The following KHDRBS3 variants were observed in gnomAD, a reference collection of about 807,000 sequenced individuals.
The protein encoded by KHDRBS3 is KH RNA binding domain containing, signal transduction associated 3.
A neutral mutation model predicts 45.6 loss-of-function variants in KHDRBS3; 23 were observed. The observed-to-expected ratio is 0.50, with a 90% CI of 0.36 to 0.72. KHDRBS3 has a LOEUF of 0.72. KHDRBS3 is among the 30% of genes least tolerant of loss of function. The pLI is 0.00. For synonymous variants in KHDRBS3, 162 were observed against 156.5 expected, an observed-to-expected ratio of 1.04 and a Z score of -0.26; for missense variants, 352 against 424.8, an observed-to-expected ratio of 0.83 and a Z score of 1.51.
chr8:135,599,555 C>T (rs1026615770), intron 6 of KHDRBS3, among the ~76,000 whole-genome samples: 1 of 152,214 alleles, frequency 6.6e-6, no homozygotes, highest in African/African-American at 2.4e-5. Flanking sequence ...AACTACATTT[C>T]CTGCCACTTG....
At chr8:135,649,543 C>T (rs1020993119), downstream of KHDRBS3, among the ~76,000 whole-genome samples, 1 of 152,102 alleles carries the variant, frequency 6.6e-6, no homozygotes, top group African/African-American at 2.4e-5. Context: ...AAATAATTCT[C>T]ATCATTTTTG....
At chr8:135,498,768 G>A (rs746230219) in intron 1 of KHDRBS3, among the ~76,000 whole-genome samples, 8 of 151,986 alleles carry the variant, frequency 5.3e-5, no homozygotes, top group African/African-American at 1.5e-4. Context: ...TCTAAAATAC[G>A]TTAAATATAT....
chr8:135,572,548 G>C (rs947224552), intron 5 of KHDRBS3, among the ~76,000 whole-genome samples: 7 of 152,152 alleles, frequency 4.6e-5, no homozygotes, highest in Admixed American at 3.9e-4. Context: ...TCATAAAAGG[G>C]CTACAACCTC....
intron 7 of KHDRBS3, chr8:135,625,561 G>A (rs1369586793): frequency 2.5e-5 from 23 of 933,684 alleles, no homozygotes; most frequent in Non-Finnish European, 3.6e-5. Context: ...CTGGAGCAAC[G>A]AGAGAGGGAG....
chr8:135,485,119 G>A (rs536653674), intron 1 of KHDRBS3, among the ~76,000 whole-genome samples: 4 of 152,146 alleles, frequency 2.6e-5, no homozygotes, highest in South Asian at 4.2e-4. Context: ...TCTTCAGTGC[G>A]CTCCTTTGCC....
intron 7 of KHDRBS3, among the ~76,000 whole-genome samples, chr8:135,617,404 G>A (rs1342250799): frequency 6.6e-6 from 1 of 151,764 alleles, no homozygotes; most frequent in Non-Finnish European, 1.5e-5. Flanking sequence ...CAGCCTCCCA[G>A]GTAGCTGGGA....
At chr8:135,465,574 T>C (rs537939941) in intron 1 of KHDRBS3, among the ~76,000 whole-genome samples, 1 of 152,314 alleles carries the variant, frequency 6.6e-6, no homozygotes, top group African/African-American at 2.4e-5. Context: ...TTGATTTTTA[T>C]TATGCTATTC....
intron 1 of KHDRBS3, among the ~76,000 whole-genome samples, chr8:135,477,797 AGGAGTATCACAACCAAACC>A (rs1388562770): frequency 6.6e-6 from 1 of 152,250 alleles, no homozygotes; most frequent in African/African-American, 2.4e-5. Context: ...TCAGTCAGAT[AGGAGTATCACAACCAAACC>A]GGATTGGCGT....
At chr8:135,588,468 A>G (rs1012116990) in intron 6 of KHDRBS3, among the ~76,000 whole-genome samples, 2 of 152,122 alleles carry the variant, frequency 1.3e-5, no homozygotes, top group Admixed American at 1.3e-4. Flanking sequence ...TGATTAAATA[A>G]TTGGCCATTA....
chr8:135,549,668 G>A (rs1826488534), intron 4 of KHDRBS3: 1 of 152,188 alleles, frequency 6.6e-6, no homozygotes, highest in Non-Finnish European at 1.5e-5. Context: ...CTTTGGCTCT[G>A]CAGACAATTT....
chr8:135,590,075 A>T (rs1828677503), intron 6 of KHDRBS3, among the ~76,000 whole-genome samples: 1 of 152,202 alleles, frequency 6.6e-6, no homozygotes, highest in South Asian at 2.1e-4. Context: ...TCATTGTGTG[A>T]ACACCATAGA....
chr8:135,457,493 C>G lies in KHDRBS3; in HGVS notation c.-374C>G, dbSNP rs1221531180. 1 of 147,310 alleles carries G rather than the reference C, an allele frequency of 6.8e-6. No homozygotes were observed. The allele number at this position is 147,310 out of a possible 1,614,324, so 9.1% of individuals were successfully genotyped here. A position where few individuals can be genotyped will look rare whatever the true frequency, so the allele number is the denominator to read the frequency against. ...GCGGCGCGCGGCGTGCAGGTCGCAG[C>G]TGTGGCTCGGGTGCTGGCAGGTGCT... On this transcript the variant is annotated 5_prime_UTR_variant, in exon 1 of 9. Transcript: ENST00000355849. The surrounding 1 kb of genome is among the most constrained non-coding windows in gnomAD (Gnocchi z 4.4).
chr8:135,536,993 A>AAG (rs1825805147), intron 2 of KHDRBS3, among the ~76,000 whole-genome samples: 3 of 16,484 alleles, frequency 1.8e-4, no homozygotes, highest in African/African-American at 6.8e-4. Context: ...AAAAAAAAAA[A>AAG]AAAAGGAGAT....
chr8:135,633,245 G>A (rs1306054598), intron 7 of KHDRBS3, among the ~76,000 whole-genome samples: 2 of 152,104 alleles, frequency 1.3e-5, no homozygotes, highest in Non-Finnish European at 2.9e-5. Flanking sequence ...ATTTGATTTT[G>A]TGCATGGCCA....
At chr8:135,641,134 C>T (rs1017151202) in intron 7 of KHDRBS3, among the ~76,000 whole-genome samples, 1 of 152,188 alleles carries the variant, frequency 6.6e-6, no homozygotes, top group Non-Finnish European at 1.5e-5. Flanking sequence ...AATCCTGCTA[C>T]CTTTTATCTT....
At chr8:135,542,470 T>G (rs533920564) in intron 2 of KHDRBS3, 184 bp from the exon 3 acceptor site, 2 of 501,444 alleles carry the variant, frequency 4.0e-6, no homozygotes, top group Non-Finnish European at 7.1e-6. Context: ...GGGTTTTTTA[T>G]TTTACGTTTA....
chr8:135,626,522 G>A (rs1302320140), intron 7 of KHDRBS3, among the ~76,000 whole-genome samples: 1 of 151,832 alleles, frequency 6.6e-6, no homozygotes, highest in Non-Finnish European at 1.5e-5. Context: ...GCACAGTGGG[G>A]GCCGGGCGCG....
intron 2 of KHDRBS3, among the ~76,000 whole-genome samples, chr8:135,537,080 G>A (rs75473563): frequency 1.3e-5 from 2 of 151,050 alleles, no homozygotes; most frequent in South Asian, 2.1e-4. Context: ...ATTCATGTTG[G>A]AGAGATAAAG....
At chr8:135,577,163 C>T (rs76710013) in intron 5 of KHDRBS3, among the ~76,000 whole-genome samples, 9 of 152,018 alleles carry the variant, frequency 5.9e-5, no homozygotes, top group African/African-American at 1.9e-4. Flanking sequence ...TTACTTTTCT[C>T]CAATCCCTTC....
Sources: allele counts gnomAD v4.1 joint callset (sites outside exome capture counted in the v4.1 genomes callset), GRCh38; gene constraint gnomAD v4.1.1; non-coding constraint Gnocchi (gnomAD v3.1); transcripts MANE v1.5; gene names NCBI Gene and HGNC (gene_info 2026-07-23, HGNC 2026-07-21).